The following STAB2 variants were observed in gnomAD, a reference collection of about 807,000 sequenced individuals.
STAB2 encodes the protein stabilin-2.
Under a neutral mutation model 338.1 loss-of-function variants are expected in STAB2, and 288 were observed. The observed-to-expected ratio is 0.85, with a 90% CI of 0.77 to 0.94. The LOEUF is 0.94. STAB2 is among the 40% of genes least tolerant of loss of function. The pLI is 0.00. For missense variants in STAB2, 3,141 were observed against 3,210.1 expected (o/e 0.98, Z 0.52); for synonymous variants, 1,202 against 1,193.3 (o/e 1.01, Z -0.15).
At chr12:103,666,510 G>A (rs1875120770) in intron 19 of STAB2, among the ~76,000 whole-genome samples, 157 bp downstream of exon 19, 3 of 152,244 alleles carry the variant, frequency 2.0e-5, no homozygotes, top group Admixed American at 6.5e-5. Flanking sequence ...GGTAGAAAGC[G>A]ATCCCACAGA....
chr12:103,720,867 A>G (rs955272306), intron 44 of STAB2, among the ~76,000 whole-genome samples: 1 of 152,216 alleles, frequency 6.6e-6, no homozygotes, highest in African/African-American at 2.4e-5. Flanking sequence ...TTCCTGGTTC[A>G]CAGACGGTGC....
At chr12:103,657,411 C>G (rs988096617) in intron 15 of STAB2, among the ~76,000 whole-genome samples, 2 of 152,064 alleles carry the variant, frequency 1.3e-5, no homozygotes, top group African/African-American at 4.8e-5. Flanking sequence ...AGGAAAAAAT[C>G]AACCTCATTG....
At chr12:103,635,486 T>G (rs1337664520) in intron 6 of STAB2, among the ~76,000 whole-genome samples, 1 of 152,108 alleles carries the variant, frequency 6.6e-6, no homozygotes, top group African/African-American at 2.4e-5. Context: ...AGAGCTCAGC[T>G]CCCTCCAGCA....
chr12:103,710,159 G>A (rs1284391154), intron 39 of STAB2, among the ~76,000 whole-genome samples: 1 of 152,090 alleles, frequency 6.6e-6, no homozygotes, highest in African/African-American at 2.4e-5. Flanking sequence ...TTTCACCCCA[G>A]CTCCTCCCCA....
intron 28 of STAB2, among the ~76,000 whole-genome samples, chr12:103,689,194 T>C (rs1306758586): frequency 6.6e-6 from 1 of 152,098 alleles, no homozygotes; most frequent in African/African-American, 2.4e-5. Context: ...CCAAGAATAC[T>C]CAAGGTGGCT....
intron 57 of STAB2, among the ~76,000 whole-genome samples, chr12:103,745,931 T>G (rs1882996498): frequency 1.3e-5 from 2 of 152,190 alleles, no homozygotes; most frequent in Non-Finnish European, 2.9e-5. Flanking sequence ...CTCGAAGCCC[T>G]GTGTTCTGGT....
intron 35 of STAB2, among the ~76,000 whole-genome samples, chr12:103,703,491 T>C (rs1879082381): frequency 6.6e-6 from 1 of 152,130 alleles, no homozygotes; most frequent in East Asian, 1.9e-4. Context: ...TGTGATCTAG[T>C]GCAAGAGGTT....
chr12:103,723,291 C>T (rs896572436), intron 44 of STAB2, among the ~76,000 whole-genome samples: 1 of 152,180 alleles, frequency 6.6e-6, no homozygotes, highest in Non-Finnish European at 1.5e-5. Flanking sequence ...GGGGAGGTCT[C>T]ATAATCATGG....
Position 103,666,348 on chromosome 12 carries a change from C to A in STAB2, c.2080C>A (p.Pro694Thr). ...GAGCAGATGTCCTGCTAACTCTGAG[C>A]CCACAGTGAGTGTGACAGCTTCATG... ...YWSRCPANSE[P>T]TALFTHRCVY... The change falls in exon 19 of 69, where the codon CCC (proline) becomes ACC (threonine). Residue 694 changes from proline to threonine, a missense_variant. Coordinates refer to ENST00000388887, the MANE Select transcript of STAB2 (RefSeq NM_017564.10). 6.2e-7 allele frequency: 1 copy of A among 1,614,188 alleles called. No homozygotes were observed. The highest frequency in any genetic ancestry group is 8.5e-7 in the Non-Finnish European group (1 of 1,180,034).
At chr12:103,693,754 G>A (rs923738447) in intron 31 of STAB2, among the ~76,000 whole-genome samples, 3 of 152,124 alleles carry the variant, frequency 2.0e-5, no homozygotes, top group Non-Finnish European at 2.9e-5. Context: ...TACCATATTA[G>A]GATCTTCATT....
chr12:103,678,034 A>G (rs532046247), intron 25 of STAB2, among the ~76,000 whole-genome samples: 12 of 152,156 alleles, frequency 7.9e-5, no homozygotes, highest in African/African-American at 2.4e-4. Context: ...ACTACCAACT[A>G]CACTAGGATT....
chr12:103,739,385 T>C (rs1338469751), intron 53 of STAB2, 27 bp from the exon 54 acceptor site: 3 of 1,558,158 alleles, frequency 1.9e-6, no homozygotes, highest in South Asian at 2.4e-5. Flanking sequence ...TTCTTGGTTT[T>C]CAAGTGTTTC....
At chr12:103,765,596 G>A (rs1013297917) in intron 68 of STAB2, among the ~76,000 whole-genome samples, 2 of 152,184 alleles carry the variant, frequency 1.3e-5, no homozygotes, top group African/African-American at 4.8e-5. Context: ...CAGGGTCCTG[G>A]TGTGTCACGC....
In STAB2 at chr12:103,667,739, C is replaced by A. The variant is rs535911443; in HGVS notation, c.2086-904C>A. Among the ~76,000 whole-genome samples, 36 of 152,310 alleles carry A rather than the reference C, an allele frequency of 2.4e-4. 1 individual carries two copies. The highest frequency in any genetic ancestry group is 2.4e-3 in the Admixed American group (36 of 15,300). On this transcript the variant is annotated intron_variant, in intron 19 of 68. Transcript: ENST00000388887. ...TTAGGATTTTATAGCCTAGGAAAGT[C>A]TCATTGCCCTCTTCTTGAGCAACAG...
intron 66 of STAB2, 91 bp from the exon 67 acceptor site, chr12:103,762,183 C>T: frequency 6.5e-7 from 1 of 1,549,636 alleles, no homozygotes; most frequent in Non-Finnish European, 8.7e-7. Context: ...TTTATCCCCA[C>T]TGGCTCCAGA....
chr12:103,643,510 C>G (rs1049020531), intron 9 of STAB2, among the ~76,000 whole-genome samples: 1 of 152,070 alleles, frequency 6.6e-6, no homozygotes, highest in South Asian at 2.1e-4. Context: ...CCTCCCAGTG[C>G]TCTCTGATGC....
Position 103,637,122 on chromosome 12 carries a change from T to A in STAB2, c.595T>A (p.Cys199Ser), listed in dbSNP as rs766422659. The change falls in exon 7 of 69, where the codon TGT becomes AGT. Residue 199 changes from cysteine to serine, a missense_variant. Coordinates refer to ENST00000388887, the MANE Select transcript of STAB2 (RefSeq NM_017564.10). The stretch of plus-strand genomic sequence containing the variant: ...ATTTTCCTATGCAGCCATCCCTGAA[T>A]GTGCAGCCTTGCTCTGCCCAGAAAA... Reference protein sequence around the residue: ...GPKCDKPIPECAALLCPENSR... With the variant: ...GPKCDKPIPESAALLCPENSR... 4.4e-6 allele frequency: 7 copies of A among 1,604,186 alleles called. No individual in the cohort carries two copies. In the African/African-American group the frequency reaches 9.4e-5, roughly 22 times the overall value.
intron 7 of STAB2, 148 bp downstream of exon 7, chr12:103,637,384 C>A: frequency 1.0e-6 from 1 of 999,268 alleles, no homozygotes. Flanking sequence ...AGGTGCCAAG[C>A]AAAATGCTCA....
At chr12:103,745,346 T>C (rs911100807) in intron 57 of STAB2, 69 bp downstream of exon 57, 2 of 1,418,398 alleles carry the variant, frequency 1.4e-6, no homozygotes, top group Non-Finnish European at 1.9e-6. Flanking sequence ...AGCATACAAG[T>C]GAGGTTGGGA....
Sources: gnomAD v4.1 joint callset for allele counts (sites outside exome capture counted in the v4.1 genomes callset) on GRCh38, gnomAD v4.1.1 for gene constraint, MANE v1.5 for transcripts, NCBI Gene and HGNC (gene_info 2026-07-23, HGNC 2026-07-21) for gene names.